Variants in ABTB3 observed in about 807,000 individuals in gnomAD.
ABTB3 encodes the protein ankyrin repeat- and BTB/POZ domain-containing protein 3.
At chr12:107,578,782 C>T in the ABTB3 span, among the ~76,000 whole-genome samples, 1 of 152,168 alleles carries the variant, frequency 6.6e-6, no homozygotes, top group Non-Finnish European at 1.5e-5. Flanking sequence ...GGGAGACAGC[C>T]TAAGAAGCAG....
At chr12:107,476,146 G>A in the ABTB3 span, among the ~76,000 whole-genome samples, 1 of 152,180 alleles carries the variant, frequency 6.6e-6, no homozygotes, top group Non-Finnish European at 1.5e-5. Context: ...GGGCAGTGTA[G>A]GGCTGGCTAG....
the ABTB3 span, among the ~76,000 whole-genome samples, chr12:107,602,552 A>C: frequency 6.6e-6 from 1 of 152,238 alleles, no homozygotes; most frequent in Admixed American, 6.5e-5. Flanking sequence ...CTGTAAAGAA[A>C]GTATTACTAA....
the ABTB3 span, among the ~76,000 whole-genome samples, chr12:107,616,328 A>C: frequency 6.6e-6 from 1 of 152,180 alleles, no homozygotes; most frequent in Non-Finnish European, 1.5e-5. Flanking sequence ...TGGCTCCCCC[A>C]TGGCCGTGCC....
chr12:107,367,565 C>T, the ABTB3 span, among the ~76,000 whole-genome samples: 114 of 152,032 alleles, frequency 7.5e-4, 1 homozygote, highest in East Asian at 5.2e-3. Context: ...AGTGCAGTGG[C>T]GCAGTTTCGG....
chr12:107,439,234 T>C, the ABTB3 span, among the ~76,000 whole-genome samples: 2 of 152,194 alleles, frequency 1.3e-5, no homozygotes, highest in Admixed American at 1.3e-4. Flanking sequence ...TAGCCAGACA[T>C]GCCTGGCTTA....
chr12:107,400,047 A>G, the ABTB3 span, among the ~76,000 whole-genome samples: 1 of 152,218 alleles, frequency 6.6e-6, no homozygotes, highest in Non-Finnish European at 1.5e-5. Context: ...ATAGTATTCT[A>G]TGATGTATAT....
the ABTB3 span, among the ~76,000 whole-genome samples, chr12:107,326,625 T>C: frequency 6.6e-6 from 1 of 152,228 alleles, no homozygotes; most frequent in African/African-American, 2.4e-5. Flanking sequence ...TTCTGATCCC[T>C]GCTTCCAACT....
chr12:107,555,391 A>G, the ABTB3 span, among the ~76,000 whole-genome samples: 1 of 152,206 alleles, frequency 6.6e-6, no homozygotes, highest in Non-Finnish European at 1.5e-5. Context: ...ACAGGTGACA[A>G]GCTACGAGGT....
At chr12:107,610,476 G>T in the ABTB3 span, 2 of 1,085,540 alleles carry the variant, frequency 1.8e-6, no homozygotes, top group Non-Finnish European at 2.6e-6. Flanking sequence ...CCCTACTGAC[G>T]GCTTAGATTG....
At chr12:107,522,463 C>A in the ABTB3 span, among the ~76,000 whole-genome samples, 1 of 152,060 alleles carries the variant, frequency 6.6e-6, no homozygotes, top group Non-Finnish European at 1.5e-5. Flanking sequence ...GCAACCATGA[C>A]CATAATCAAT....
chr12:107,362,497 C>G, the ABTB3 span, among the ~76,000 whole-genome samples: 1 of 152,186 alleles, frequency 6.6e-6, no homozygotes, highest in Non-Finnish European at 1.5e-5. Context: ...CTAATAATAA[C>G]AATAAAAATG....
At chr12:107,369,707 G>GTTTTTT in the ABTB3 span, among the ~76,000 whole-genome samples, 1 of 76,148 alleles carries the variant, frequency 1.3e-5, no homozygotes, top group African/African-American at 6.7e-5. Context: ...CCCAAACATG[G>GTTTTTT]TTTTTTTTTT....
the ABTB3 span, among the ~76,000 whole-genome samples, chr12:107,366,559 T>A: frequency 6.6e-6 from 1 of 152,142 alleles, no homozygotes; most frequent in East Asian, 1.9e-4. Context: ...GGGCAGCATG[T>A]AGGCTTGGGA....
chr12:107,349,375 C>A, the ABTB3 span, among the ~76,000 whole-genome samples: 1 of 152,308 alleles, frequency 6.6e-6, no homozygotes, highest in Non-Finnish European at 1.5e-5. Flanking sequence ...TGCTGGGATT[C>A]CAGACGGGGA....
chr12:107,478,715 G>A, the ABTB3 span, among the ~76,000 whole-genome samples: 37,513 of 151,736 alleles, frequency 0.25, 5,086 homozygotes, highest in African/African-American at 0.36. Flanking sequence ...TTTCACGTGC[G>A]GGGAGCTTGA....
the ABTB3 span, among the ~76,000 whole-genome samples, chr12:107,625,746 CTG>C: frequency 5.9e-5 from 9 of 151,720 alleles, no homozygotes; most frequent in Non-Finnish European, 1.0e-4. Flanking sequence ...GGGGTCTCCA[CTG>C]ACACCTGGGT....
At chr12:107,602,129 G>T in the ABTB3 span, among the ~76,000 whole-genome samples, 183 of 152,296 alleles carry the variant, frequency 1.2e-3, 2 homozygotes, top group African/African-American at 4.2e-3. Flanking sequence ...GCCTGGTAGG[G>T]TAGGCCCACG....
the ABTB3 span, among the ~76,000 whole-genome samples, chr12:107,566,948 C>G: frequency 3.9e-5 from 6 of 152,236 alleles, no homozygotes; most frequent in Middle Eastern, 3.4e-3. Context: ...CTGCCCCCAT[C>G]TCTAGAAAAG....
the ABTB3 span, among the ~76,000 whole-genome samples, chr12:107,567,965 A>G: frequency 6.6e-6 from 1 of 152,126 alleles, no homozygotes; most frequent in African/African-American, 2.4e-5. Context: ...TACATTCTTG[A>G]TGTATTGATG....
Sources: gnomAD v4.1 joint callset for allele counts (sites outside exome capture counted in the v4.1 genomes callset) on GRCh38, gnomAD v4.1.1 for gene constraint, MANE v1.5 for transcripts, NCBI Gene and HGNC (gene_info 2026-07-23, HGNC 2026-07-21) for gene names.